BRWD3: variants seen among roughly 807,000 people sequenced by gnomAD.
BRWD3 encodes bromodomain and WD repeat domain containing 3.
A neutral mutation model predicts 149.7 loss-of-function variants in BRWD3; 10 were observed. The observed-to-expected ratio is 0.07, with a 90% CI of 0.04 to 0.11. The LOEUF is 0.11. Ranked by LOEUF, BRWD3 falls within the 10% of genes least tolerant of loss-of-function variation. The probability of loss-of-function intolerance (pLI) is 1.00; values close to 1 mark genes in which losing one functional copy is unlikely to be tolerated. For missense variants in BRWD3, 940 were observed against 1,373.2 expected, an observed-to-expected ratio of 0.68 and a Z score of 4.99; for synonymous variants, 504 against 456.7, an observed-to-expected ratio of 1.10 and a Z score of -1.32.
chrX:80,670,515 G>C lies in BRWD3; in HGVS notation c.*6094C>G, dbSNP rs1042287806. 5.5e-5 allele frequency among the ~76,000 whole-genome samples: 6 copies of C among 109,798 alleles called. No individual in the cohort carries two copies. Among genetic ancestry groups the C allele is most frequent in the Non-Finnish European group, 1.1e-4 (6 of 52,701 alleles). On this transcript the variant is annotated 3_prime_UTR_variant, in exon 41 of 41. Transcript: ENST00000373275. ...ACTGCAGCCTTGACCTCCCAGGCTC[G>C]AGTGATCCTCCCACCTGTCTCCCAA... is the stretch of plus-strand genomic sequence containing the variant.
At chrX:80,776,097 C>A (rs1281557762) in intron 6 of BRWD3, among the ~76,000 whole-genome samples, 2 of 112,126 alleles carry the variant, frequency 1.8e-5, no homozygotes, top group African/African-American at 3.2e-5. Context: ...AAAATGTAAT[C>A]TGCTGTGAGC....
intron 6 of BRWD3, among the ~76,000 whole-genome samples, chrX:80,789,500 C>T (rs1014005203): frequency 9.8e-5 from 11 of 111,891 alleles, no homozygotes; most frequent in African/African-American, 3.2e-4. Flanking sequence ...CTCAGCCTCC[C>T]CAGTAGCTGG....
At chrX:80,729,631 CCT>C (rs2073297660) in intron 13 of BRWD3, among the ~76,000 whole-genome samples, 1 of 110,843 alleles carries the variant, frequency 9.0e-6, no homozygotes, top group South Asian at 3.7e-4. Context: ...TTTTTAATGA[CCT>C]ATAAAAAACT....
chrX:80,693,177 GT>G, intron 27 of BRWD3, 126 bp from the exon 28 acceptor site: 1 of 504,319 alleles, frequency 2.0e-6, no homozygotes, highest in Admixed American at 3.4e-5. Context: ...TTCCATCTAG[GT>G]TTTCGGGATA....
intron 27 of BRWD3, among the ~76,000 whole-genome samples, chrX:80,694,016 T>G (rs1047130203): frequency 9.0e-6 from 1 of 111,110 alleles, no homozygotes; most frequent in African/African-American, 3.3e-5. Context: ...AGGCAGCCCC[T>G]CCCATCACAA....
intron 6 of BRWD3, among the ~76,000 whole-genome samples, chrX:80,786,523 T>C (rs947748472): frequency 1.8e-5 from 2 of 110,101 alleles, no homozygotes; most frequent in Admixed American, 2.0e-4. Context: ...TGCCTATATA[T>C]ATATATATAT....
chrX:80,730,584 G>A (rs1240672342), intron 12 of BRWD3, among the ~76,000 whole-genome samples: 3 of 110,778 alleles, frequency 2.7e-5, no homozygotes, highest in Non-Finnish European at 5.7e-5. Flanking sequence ...CTTTCTTTCA[G>A]GGCCAATGAA....
chrX:80,740,496 G>C (rs984898012), intron 8 of BRWD3, among the ~76,000 whole-genome samples: 4 of 112,274 alleles, frequency 3.6e-5, no homozygotes, highest in African/African-American at 1.3e-4. Flanking sequence ...TGTAATCCCA[G>C]CAATTTGGGA....
intron 4 of BRWD3, among the ~76,000 whole-genome samples, chrX:80,805,804 G>A (rs1052075909): frequency 2.7e-5 from 3 of 110,874 alleles, no homozygotes; most frequent in South Asian, 3.8e-4. Context: ...GCGTGGTGGC[G>A]CGTGCCTGTA....
At position 80,773,615 on chromosome X, in the gene BRWD3, A is replaced by G. The variant is rs754279610; in HGVS notation, c.430+18239T>C. On this transcript the variant is annotated intron_variant, in intron 6 of 40. Coordinates refer to ENST00000373275, the MANE Select transcript of BRWD3 (RefSeq NM_153252.5). ...CAGTCCCTTGGATAGGCACTCAGGT[A>G]TTAACATCCAACCATAATTCCTACT... Among the ~76,000 whole-genome samples the G allele has an allele frequency of 9.8e-5, 11 of 111,855 alleles. 1 individual carries two copies. The East Asian group carries it at 2.8e-3, about 29-fold the overall frequency.
intron 14 of BRWD3, among the ~76,000 whole-genome samples, chrX:80,725,751 C>G (rs1220084019): frequency 9.3e-6 from 1 of 107,924 alleles, no homozygotes; most frequent in African/African-American, 3.3e-5. Context: ...GCCTATATAA[C>G]ATATAACATG....
At chrX:80,803,858 T>A (rs974670926) in intron 4 of BRWD3, among the ~76,000 whole-genome samples, 1 of 112,424 alleles carries the variant, frequency 8.9e-6, no homozygotes, top group Admixed American at 9.5e-5. Context: ...TATTAGTAAT[T>A]GGAGAACAAC....
At chrX:80,729,612 T>G (rs538290414) in intron 13 of BRWD3, among the ~76,000 whole-genome samples, 1 of 110,993 alleles carries the variant, frequency 9.0e-6, no homozygotes, top group African/African-American at 3.3e-5. Context: ...GAAAGTAAAA[T>G]AGATATATTT....
chrX:80,696,438 AT>A (rs2072693942), intron 26 of BRWD3, among the ~76,000 whole-genome samples: 1 of 108,309 alleles, frequency 9.2e-6, no homozygotes, highest in Non-Finnish European at 1.9e-5. Context: ...TAGCATTTCC[AT>A]TTTACAAATG....
Position 80,809,428 on chromosome X carries a change from C to T in BRWD3, c.31+13G>A. On this transcript the variant is annotated intron_variant, in intron 1 of 40. Coordinates refer to ENST00000373275, the MANE Select transcript of BRWD3 (RefSeq NM_153252.5). ...CCCTTAGCACCCCCCCACCCCCCGA[C>T]ACAGCTACCCACCGGCTTCGATCTG... The T allele has an allele frequency of 8.6e-7, 1 of 1,158,374 alleles. No homozygotes were observed. Among genetic ancestry groups the T allele is most frequent in the Non-Finnish European group, 1.2e-6 (1 of 863,275 alleles).
intron 24 of BRWD3, among the ~76,000 whole-genome samples, chrX:80,700,730 T>C (rs1269850530): frequency 2.8e-5 from 3 of 105,891 alleles, no homozygotes; most frequent in Non-Finnish European, 5.8e-5. Flanking sequence ...AGAGCAAAAC[T>C]CCCTGTCAAA....
At chrX:80,790,204 A>C (rs2074165477) in intron 6 of BRWD3, among the ~76,000 whole-genome samples, 1 of 107,406 alleles carries the variant, frequency 9.3e-6, no homozygotes, top group Non-Finnish European at 1.9e-5. Flanking sequence ...AAAAAAAAAA[A>C]AAAAAAAAAA....
At chrX:80,768,515 C>A (rs1000668120) in intron 6 of BRWD3, among the ~76,000 whole-genome samples, 2 of 111,348 alleles carry the variant, frequency 1.8e-5, no homozygotes, top group Non-Finnish European at 3.8e-5. Flanking sequence ...AAATACTTTA[C>A]AGACAAGCAA....
rs1229749754 is a variant in BRWD3, at chrX:80,691,902, C to T, written c.3402G>A (p.Gln1134=). 13 of 1,210,165 alleles carry T rather than the reference C, an allele frequency of 1.1e-5. No homozygotes were observed. Among genetic ancestry groups the T allele is most frequent in the Non-Finnish European group, 1.3e-5 (12 of 895,039 alleles). Residue 1134 remains glutamine (Q), a synonymous_variant, in exon 30 of 41, where the codon CAG becomes CAA. Transcript: ENST00000373275. ...EELTALLYKP[Q]EGEWGAHSRD... ...TGGAATGAGCCCCCCACTCTCCTTC[C>T]TGGGGTTTGTATAGCAAAGCAGTCA... is the stretch of plus-strand genomic sequence containing the variant.
Sources: allele counts gnomAD v4.1 joint callset (sites outside exome capture counted in the v4.1 genomes callset), GRCh38; gene constraint gnomAD v4.1.1; transcripts MANE v1.5; gene names NCBI Gene and HGNC (gene_info 2026-07-23, HGNC 2026-07-21).